Variants in ROR1 observed in about 807,000 individuals in gnomAD.
ROR1 encodes the protein ROR family WNT receptor 1.
A neutral mutation model predicts 78.8 loss-of-function variants in ROR1; 19 were observed. That is an observed-to-expected ratio of 0.24 (90% CI 0.17 to 0.35). The LOEUF is 0.35. Ranked by LOEUF, ROR1 falls within the 10% of genes least tolerant of loss-of-function variation. The probability of loss-of-function intolerance (pLI) is 1.00; values close to 1 mark genes in which losing one functional copy is unlikely to be tolerated. For missense variants in ROR1, 917 were observed against 1,177.8 expected, an observed-to-expected ratio of 0.78 and a Z score of 3.24; for synonymous variants, 386 against 433.6, an observed-to-expected ratio of 0.89 and a Z score of 1.36.
chr1:64,163,882 G>A (rs772987787), intron 8 of ROR1, among the ~76,000 whole-genome samples: 2 of 152,044 alleles, frequency 1.3e-5, no homozygotes, highest in Non-Finnish European at 2.9e-5. Flanking sequence ...ACTCCTTAAA[G>A]CTATTGTCTC....
intron 1 of ROR1, among the ~76,000 whole-genome samples, chr1:63,909,120 C>G (rs1048717496): frequency 2.0e-5 from 3 of 152,126 alleles, no homozygotes; most frequent in Non-Finnish European, 4.4e-5. Flanking sequence ...TCTATATTTG[C>G]TCTATCTTGA....
chr1:63,835,827 A>G (rs1427015955), intron 1 of ROR1, among the ~76,000 whole-genome samples: 1 of 152,252 alleles, frequency 6.6e-6, no homozygotes, highest in African/African-American at 2.4e-5. Context: ...GCAAGTATTC[A>G]GATCTTGATA....
intron 1 of ROR1, among the ~76,000 whole-genome samples, chr1:63,835,353 A>G (rs1645013703): frequency 1.3e-5 from 2 of 152,130 alleles, no homozygotes; most frequent in African/African-American, 4.8e-5. Flanking sequence ...CTTACCAATT[A>G]CTTTTTGAGT....
intron 4 of ROR1, among the ~76,000 whole-genome samples, chr1:64,080,210 G>C (rs576594036): frequency 2.6e-5 from 4 of 152,118 alleles, no homozygotes; most frequent in Non-Finnish European, 5.9e-5. Context: ...TCTCAACTGA[G>C]GGTGATTTTG....
chr1:63,963,488 G>T (rs1646048640), intron 1 of ROR1, among the ~76,000 whole-genome samples: 1 of 151,448 alleles, frequency 6.6e-6, no homozygotes, highest in Admixed American at 6.6e-5. Context: ...AGAATCGCTT[G>T]AACCTGGGAG....
chr1:63,990,884 G>A (rs1198862119), intron 1 of ROR1, among the ~76,000 whole-genome samples: 2 of 152,048 alleles, frequency 1.3e-5, no homozygotes, highest in African/African-American at 4.8e-5. Flanking sequence ...CCTAATATAA[G>A]GCACTATTAT....
chr1:63,931,311 A>C (rs1470038104), intron 1 of ROR1, among the ~76,000 whole-genome samples: 1 of 152,182 alleles, frequency 6.6e-6, no homozygotes, highest in Admixed American at 6.5e-5. Context: ...AGTAAATCAC[A>C]GACAATATAA....
At chr1:64,007,979 T>C (rs1646443130) in intron 1 of ROR1, among the ~76,000 whole-genome samples, 1 of 150,340 alleles carries the variant, frequency 6.7e-6, no homozygotes, top group South Asian at 2.1e-4. Flanking sequence ...TTTTGCAATT[T>C]CCATTTTTAT....
At chr1:63,957,298 G>A (rs909974893) in intron 1 of ROR1, among the ~76,000 whole-genome samples, 3 of 152,256 alleles carry the variant, frequency 2.0e-5, no homozygotes, top group Non-Finnish European at 2.9e-5. Flanking sequence ...TTGGGTATGG[G>A]GGTCCCTCTG....
intron 2 of ROR1, among the ~76,000 whole-genome samples, chr1:64,018,633 A>G (rs1225492120): frequency 6.6e-6 from 1 of 152,200 alleles, no homozygotes; most frequent in Non-Finnish European, 1.5e-5. Context: ...TCCCATTCAA[A>G]GAGAGGTTGA....
At chr1:64,082,160 T>C (rs914084807) in intron 4 of ROR1, among the ~76,000 whole-genome samples, 1 of 152,072 alleles carries the variant, frequency 6.6e-6, no homozygotes, top group African/African-American at 2.4e-5. Context: ...GAGCCAAGGC[T>C]TGAACCCTGG....
intron 1 of ROR1, among the ~76,000 whole-genome samples, chr1:63,898,467 G>A (rs1030499824): frequency 6.6e-6 from 1 of 150,900 alleles, no homozygotes; most frequent in South Asian, 2.1e-4. Context: ...GCATGGTACC[G>A]GGTTCCAGGA....
chr1:64,179,885 T>C lies in ROR1; in HGVS notation c.*1030T>C, dbSNP rs1243408619. 1 of 152,216 alleles carries C rather than the reference T, an allele frequency of 6.6e-6. No homozygotes were observed. Among genetic ancestry groups the C allele is most frequent in the Non-Finnish European group, 1.5e-5 (1 of 68,048 alleles). 9.4% of individuals were successfully genotyped at this position (152,216 alleles called of 1,614,324 possible). On this transcript the variant is annotated 3_prime_UTR_variant, in exon 9 of 9. Transcript: ENST00000371079. Reference sequence around the variant, plus strand: ...GGCTCTAGGGAAGTAGGAAACTCCATCATGATACAAATGTCTAGTAATTTT... The same window carrying C: ...GGCTCTAGGGAAGTAGGAAACTCCACCATGATACAAATGTCTAGTAATTTT...
chr1:63,944,610 A>G (rs181935944), intron 1 of ROR1, among the ~76,000 whole-genome samples: 82 of 152,242 alleles, frequency 5.4e-4, no homozygotes, highest in Non-Finnish European at 1.1e-3. Flanking sequence ...TGCATTTCTG[A>G]GAATGATTGT....
At chr1:63,779,485 G>A (rs1410741926) in intron 1 of ROR1, among the ~76,000 whole-genome samples, 1 of 152,128 alleles carries the variant, frequency 6.6e-6, no homozygotes, top group Non-Finnish European at 1.5e-5. Flanking sequence ...GAAACTGGAA[G>A]AGAAAGGAGA....
intron 1 of ROR1, among the ~76,000 whole-genome samples, chr1:63,859,767 A>C (rs1216464117): frequency 2.0e-5 from 3 of 152,202 alleles, no homozygotes; most frequent in East Asian, 3.9e-4. Flanking sequence ...CAAAGGCTTC[A>C]GTGTTGGATG....
intron 1 of ROR1, among the ~76,000 whole-genome samples, chr1:63,965,002 A>G (rs1646061805): frequency 6.6e-6 from 1 of 152,228 alleles, no homozygotes; most frequent in Non-Finnish European, 1.5e-5. Flanking sequence ...TTATGGCCTT[A>G]TCTCTCAACA....
intron 4 of ROR1, among the ~76,000 whole-genome samples, chr1:64,071,209 A>G (rs913515294): frequency 4.6e-5 from 7 of 152,154 alleles, no homozygotes; most frequent in Non-Finnish European, 1.0e-4. Flanking sequence ...TCCAAGAGCC[A>G]TGGAAGCCAT....
At chr1:64,081,768 CAA>C (rs55945635) in intron 4 of ROR1, among the ~76,000 whole-genome samples, 1,924 of 98,864 alleles carry the variant, frequency 0.019, 57 homozygotes, top group African/African-American at 0.073. Context: ...GAGACACTGT[CAA>C]AAAAAAAAAA....
Sources: gnomAD v4.1 joint callset for allele counts (sites outside exome capture counted in the v4.1 genomes callset) on GRCh38, gnomAD v4.1.1 for gene constraint, MANE v1.5 for transcripts, NCBI Gene and HGNC (gene_info 2026-07-23, HGNC 2026-07-21) for gene names.